Variants in MIGA1 observed in about 807,000 individuals in gnomAD.
MIGA1 encodes family with sequence similarity 73, member A.
In MIGA1, 58 loss-of-function variants were observed where a neutral mutation model predicts 82.0. That is an observed-to-expected ratio of 0.71 (90% confidence interval 0.57 to 0.88). The LOEUF is 0.88. Ranked by LOEUF, MIGA1 falls within the 40% of genes least tolerant of loss-of-function variation. The probability of loss-of-function intolerance (pLI) is 0.00; values close to 1 mark genes in which losing one functional copy is unlikely to be tolerated. For missense variants in MIGA1, 751 were observed against 749.1 expected (o/e 1.00, Z -0.03); for synonymous variants, 249 against 253.6 (o/e 0.98, Z 0.17).
At chr1:77,847,490 A>G in intron 8 of MIGA1, 1 of 1,421,052 alleles carries the variant, frequency 7.0e-7, no homozygotes, top group South Asian at 1.2e-5. Context: ...AAATACAGAG[A>G]GAACGAGAAA....
At chr1:77,806,802 G>A (rs1683117768) in intron 4 of MIGA1, among the ~76,000 whole-genome samples, 173 bp from the exon 5 acceptor site, 1 of 152,170 alleles carries the variant, frequency 6.6e-6, no homozygotes, top group Admixed American at 6.5e-5. Flanking sequence ...GCTTAGAATA[G>A]AGTCGTGATT....
chr1:77,856,944 T>C (rs371276010), intron 8 of MIGA1, among the ~76,000 whole-genome samples: 1 of 152,200 alleles, frequency 6.6e-6, no homozygotes, highest in South Asian at 2.1e-4. Flanking sequence ...CTTGTTTGTC[T>C]AGTTGCTTGA....
intron 13 of MIGA1, among the ~76,000 whole-genome samples, chr1:77,865,177 C>T (rs1685616774): frequency 6.7e-6 from 1 of 149,476 alleles, no homozygotes; most frequent in Non-Finnish European, 1.5e-5. Flanking sequence ...CTCCAAGGGT[C>T]AGATTTCTTC....
chr1:77,844,141 TAG>T lies in MIGA1; in HGVS notation c.996+736_996+737del, dbSNP rs200546083. Among the ~76,000 whole-genome samples, 635 of 121,238 alleles carry T rather than the reference TAG, an allele frequency of 5.2e-3. 3 individuals carry two copies. Among genetic ancestry groups the T allele is most frequent in the Middle Eastern group, 8.5e-3 (2 of 236 alleles). The allele number at this position is 121,238 out of a possible 152,430, so 79.5% of individuals were successfully genotyped here. A position where few individuals can be genotyped will look rare whatever the true frequency, so the allele number is the denominator to read the frequency against. On this transcript the variant is annotated intron_variant, in intron 8 of 15. Transcript: ENST00000370791. ...ATATATATATATATATATATATAGA[TAG>T]ATAGATAGATAGATAGATAGATATA...
In MIGA1 at chr1:77,803,312, T is replaced by C; in HGVS notation, c.416T>C (p.Leu139Ser). ...AGCAGACAGAATTTGACATTATCTT[T>C]AAGTTCTACCAAAGACAAAGGATCT... Residue 139 changes from leucine to serine, a missense_variant, in exon 4 of 16, where the codon TTA becomes TCA. Around this residue, in one of 3 missense-constraint regions of MIGA1, gnomAD observed 482 missense variants for 439.4 expected, o/e 1.10. Coordinates refer to ENST00000370791, the MANE Select transcript of MIGA1 (RefSeq NM_198549.4). 1 of 1,555,684 alleles carries C rather than the reference T, an allele frequency of 6.4e-7. No individual in the cohort carries two copies. Among genetic ancestry groups the C allele is most frequent in the Non-Finnish European group, 8.7e-7 (1 of 1,150,026 alleles).
intron 7 of MIGA1, among the ~76,000 whole-genome samples, chr1:77,816,594 A>G (rs1339670676): frequency 6.6e-6 from 1 of 152,216 alleles, no homozygotes; most frequent in Non-Finnish European, 1.5e-5. Context: ...TTGTCGTACT[A>G]TTATTGTCAC....
In MIGA1 at chr1:77,875,905, G is replaced by A. The variant is rs893850866; in HGVS notation, c.*841G>A. On this transcript the variant is annotated 3_prime_UTR_variant, in exon 16 of 16. Transcript: ENST00000370791. The stretch of plus-strand genomic sequence containing the variant: ...CCTAGCACTTTGGGAGGCCAAGGTG[G>A]GCGGATCACCTGAGGTCAGGTGTTC... The A allele has an allele frequency of 6.6e-6, 1 of 152,168 alleles. No individual in the cohort carries two copies. The highest frequency in any genetic ancestry group is 2.4e-5 in the African/African-American group (1 of 41,418). The allele number at this position is 152,168 out of a possible 1,614,324, so 9.4% of individuals were successfully genotyped here. A position where few individuals can be genotyped will look rare whatever the true frequency, so the allele number is the denominator to read the frequency against.
chr1:77,783,233 T>A lies in MIGA1; in HGVS notation c.82-5T>A. 1 of 1,544,966 alleles carries A rather than the reference T, an allele frequency of 6.5e-7. No individual in the cohort carries two copies. The highest frequency in any genetic ancestry group is 8.8e-7 in the Non-Finnish European group (1 of 1,134,166). On this transcript the variant is annotated splice_region_variant and splice_polypyrimidine_tract_variant and intron_variant, in intron 1 of 15. Coordinates refer to ENST00000370791, the MANE Select transcript of MIGA1 (RefSeq NM_198549.4). ...CTAATTTTTTTTATGTTTCATTTAA[T>A]GAAGATTAGAAGAGGAGCCATGTCA... is the stretch of plus-strand genomic sequence containing the variant.
intron 14 of MIGA1, among the ~76,000 whole-genome samples, chr1:77,871,051 G>C (rs927465419): frequency 6.8e-6 from 1 of 147,042 alleles, no homozygotes; most frequent in Non-Finnish European, 1.5e-5. Context: ...GTCCAGCTTT[G>C]GCTCGGCATC....
In MIGA1 at chr1:77,807,067, T is replaced by G. The variant is rs1683126605; in HGVS notation, c.603T>G (p.Ile201Met). The change falls in exon 5 of 16, where the codon ATT becomes ATG. Residue 201 changes from isoleucine to methionine, a missense_variant. Transcript: ENST00000370791. ...AAGATGATATTAAACTTGTTAATAT[T>G]CCTGTGACTACTCCAGAGAACTTAT... is the stretch of plus-strand genomic sequence containing the variant. 1 of 1,593,194 alleles carries G rather than the reference T, an allele frequency of 6.3e-7. No individual in the cohort carries two copies. The highest frequency in any genetic ancestry group is 1.3e-5 in the African/African-American group (1 of 74,478).
At chr1:77,800,408 T>C (rs1418382851) in intron 2 of MIGA1, among the ~76,000 whole-genome samples, 1 of 152,178 alleles carries the variant, frequency 6.6e-6, no homozygotes, top group African/African-American at 2.4e-5. Flanking sequence ...GCCTGTCTCG[T>C]TAGTTTAGGG....
intron 7 of MIGA1, among the ~76,000 whole-genome samples, chr1:77,840,526 C>T (rs534520540): frequency 1.1e-4 from 16 of 152,118 alleles, no homozygotes; most frequent in Admixed American, 2.6e-4. Flanking sequence ...CACTCTCGGC[C>T]GGGTGCAGTG....
chr1:77,785,732 T>C (rs1682130318), intron 2 of MIGA1, among the ~76,000 whole-genome samples: 1 of 152,218 alleles, frequency 6.6e-6, no homozygotes, highest in Non-Finnish European at 1.5e-5. Flanking sequence ...TGGGTTCCCA[T>C]GGTCGTAGGT....
chr1:77,878,716 A>G lies in MIGA1; in HGVS notation c.*3652A>G, dbSNP rs915039194. ...TCATTTTTTGTATTTTAATTTCCCT[A>G]CATTTTTGTTCAACTAAGAGTGCTT... On this transcript the variant is annotated 3_prime_UTR_variant, in exon 16 of 16. Coordinates refer to ENST00000370791, the MANE Select transcript of MIGA1 (RefSeq NM_198549.4). 75 of 377,110 alleles carry G rather than the reference A, an allele frequency of 2.0e-4. No homozygotes were observed. In the Middle Eastern group the frequency reaches 3.4e-3, roughly 17 times the overall value. The allele number at this position is 377,110 out of a possible 1,614,324, so 23.4% of individuals were successfully genotyped here. A position where few individuals can be genotyped will look rare whatever the true frequency, so the allele number is the denominator to read the frequency against.
intron 8 of MIGA1, among the ~76,000 whole-genome samples, chr1:77,856,660 C>T (rs145326292): frequency 2.6e-5 from 4 of 152,192 alleles, no homozygotes; most frequent in African/African-American, 9.6e-5. Flanking sequence ...AGTTTATGTG[C>T]GTAAAGGTGT....
chr1:77,808,720 G>A (rs968777361), intron 5 of MIGA1, among the ~76,000 whole-genome samples: 2 of 152,284 alleles, frequency 1.3e-5, no homozygotes, highest in Non-Finnish European at 2.9e-5. Flanking sequence ...AACAAAACCA[G>A]TAAACTTGAT....
chr1:77,829,142 A>G (rs1411868341), intron 7 of MIGA1, among the ~76,000 whole-genome samples: 1 of 151,050 alleles, frequency 6.6e-6, no homozygotes, highest in African/African-American at 2.4e-5. Context: ...GAAGTTGGTC[A>G]GGTATGGTGG....
chr1:77,860,758 TTAAAGAA>T (rs2101939855), intron 11 of MIGA1: 1 of 153,760 alleles, frequency 6.5e-6, no homozygotes, highest in South Asian at 2.0e-4. Context: ...GGGAAGCAAC[TTAAAGAA>T]TAAAGTGTTA....
At chr1:77,808,130 CTTT>C (rs754585009) in intron 5 of MIGA1, among the ~76,000 whole-genome samples, 2 of 137,034 alleles carry the variant, frequency 1.5e-5, no homozygotes, top group Non-Finnish European at 3.2e-5. Flanking sequence ...ACCTTTCTCT[CTTT>C]TTTTTTTTTT....
Sources: allele counts gnomAD v4.1 joint callset (sites outside exome capture counted in the v4.1 genomes callset), GRCh38; gene constraint gnomAD v4.1.1; regional missense constraint gnomAD v4.1.1; transcripts MANE v1.5; gene names NCBI Gene and HGNC (gene_info 2026-07-23, HGNC 2026-07-21).